Variants in CRYL1 observed in about 807,000 individuals in gnomAD.
The protein encoded by CRYL1 is crystallin lambda 1.
A neutral mutation model predicts 36.6 loss-of-function variants in CRYL1; 29 were observed. The observed-to-expected ratio is 0.79, with a 90% CI of 0.59 to 1.08. The LOEUF (loss-of-function observed/expected upper bound fraction) is 1.08. Ranked by LOEUF, CRYL1 falls within the 50% of genes least tolerant of loss-of-function variation. The pLI, the probability that CRYL1 is intolerant of heterozygous loss-of-function variation, is 0.00. For synonymous variants in CRYL1, 152 were observed against 151.5 expected (o/e 1.00, Z -0.02); for missense variants, 411 against 407.9 (o/e 1.01, Z -0.06).
chr13:20,507,421 T>G (rs750897186), intron 2 of CRYL1, among the ~76,000 whole-genome samples: 9 of 152,172 alleles, frequency 5.9e-5, no homozygotes, highest in Non-Finnish European at 1.3e-4. Context: ...ATATTTACTA[T>G]CTGGTCTTTA....
chr13:20,420,701 T>TTTTGTGTG lies in CRYL1; in HGVS notation c.634-7315_634-7314insCACACAAA. Among the ~76,000 whole-genome samples the TTTTGTGTG allele has an allele frequency of 4.6e-3, 100 of 21,874 alleles. 17 individuals carry two copies. The highest frequency in any genetic ancestry group is 0.031 in the East Asian group (15 of 484). The allele number at this position is 21,874 out of a possible 152,430, so 14.4% of individuals were successfully genotyped here. A position where few individuals can be genotyped will look rare whatever the true frequency, so the allele number is the denominator to read the frequency against. ...CTTTGACTTTTCTTTAAAATAGAGG[T>TTTTGTGTG]TGTGTGTGTGTGTGTGTGTGTGTGT... On this transcript the variant is annotated intron_variant, in intron 5 of 7. Transcript: ENST00000298248.
intron 6 of CRYL1, among the ~76,000 whole-genome samples, chr13:20,411,950 T>C (rs2031534021): frequency 6.6e-6 from 1 of 152,234 alleles, no homozygotes; most frequent in Admixed American, 6.5e-5. Flanking sequence ...TTGGACAGCA[T>C]ATTTCATTAA....
intron 3 of CRYL1, among the ~76,000 whole-genome samples, chr13:20,479,048 CT>C (rs1425207012): frequency 2.0e-5 from 3 of 152,070 alleles, no homozygotes; most frequent in African/African-American, 4.8e-5. Context: ...CCCTTTACAC[CT>C]GTAAAGGATT....
intron 2 of CRYL1, among the ~76,000 whole-genome samples, chr13:20,511,779 T>G (rs1282572216): frequency 6.6e-6 from 1 of 152,222 alleles, no homozygotes; most frequent in Non-Finnish European, 1.5e-5. Context: ...CACGCTGCAA[T>G]GGCTTCTTTC....
At chr13:20,478,004 T>C (rs1454439158) in intron 3 of CRYL1, among the ~76,000 whole-genome samples, 3 of 147,042 alleles carry the variant, frequency 2.0e-5, no homozygotes, top group Non-Finnish European at 3.0e-5. Flanking sequence ...AAAATATATA[T>C]GGGCAGGCTC....
chr13:20,439,512 C>G (rs1197245438), intron 4 of CRYL1, 81 bp downstream of exon 4: 2 of 1,025,508 alleles, frequency 2.0e-6, no homozygotes, highest in African/African-American at 4.3e-5. Context: ...CCCCCTCCCC[C>G]GCAAAAAAAA....
At chr13:20,449,496 A>C (rs1325986300) in intron 3 of CRYL1, among the ~76,000 whole-genome samples, 2 of 152,244 alleles carry the variant, frequency 1.3e-5, no homozygotes, top group African/African-American at 4.8e-5. Flanking sequence ...CAGATGGAAC[A>C]AATAGAAAAC....
intron 3 of CRYL1, among the ~76,000 whole-genome samples, chr13:20,484,221 G>A (rs962769018): frequency 2.0e-5 from 3 of 152,164 alleles, no homozygotes; most frequent in Non-Finnish European, 4.4e-5. Context: ...AGAAAAAGGA[G>A]CTGTGAGAGC....
At chr13:20,431,750 T>C in intron 5 of CRYL1, 1 of 1,194,438 alleles carries the variant, frequency 8.4e-7, no homozygotes, top group Non-Finnish European at 1.1e-6. Flanking sequence ...TTTTGAAAAA[T>C]TATAACACTG....
intron 1 of CRYL1, among the ~76,000 whole-genome samples, chr13:20,513,874 C>T (rs576147787): frequency 2.0e-5 from 3 of 148,804 alleles, no homozygotes; most frequent in South Asian, 2.1e-4. Flanking sequence ...AAGATGAGCC[C>T]GGAGCAGTTT....
chr13:20,482,281 T>C (rs544428716), intron 3 of CRYL1, among the ~76,000 whole-genome samples: 2 of 152,344 alleles, frequency 1.3e-5, no homozygotes, highest in African/African-American at 2.4e-5. Flanking sequence ...CTATTGCAGA[T>C]TGTTCTGACT....
At chr13:20,405,319 T>C (rs1466850860) in intron 6 of CRYL1, among the ~76,000 whole-genome samples, 1 of 151,816 alleles carries the variant, frequency 6.6e-6, no homozygotes, top group Non-Finnish European at 1.5e-5. Context: ...ATGCCACCTC[T>C]GCTGGTGCAT....
chr13:20,504,036 G>A (rs1048482089), intron 2 of CRYL1, among the ~76,000 whole-genome samples: 1 of 152,134 alleles, frequency 6.6e-6, no homozygotes, highest in Non-Finnish European at 1.5e-5. Flanking sequence ...AGATCGAAGC[G>A]TACAGGCCCC....
intron 2 of CRYL1, among the ~76,000 whole-genome samples, chr13:20,509,195 C>CA (rs1221695401): frequency 3.8e-3 from 395 of 103,218 alleles, no homozygotes; most frequent in South Asian, 4.6e-3. Context: ...ACTCAATCCC[C>CA]AAAAAAAAAA....
chr13:20,454,930 A>G (rs2032649487), intron 3 of CRYL1, among the ~76,000 whole-genome samples: 2 of 152,172 alleles, frequency 1.3e-5, no homozygotes, highest in Admixed American at 6.5e-5. Flanking sequence ...TTTATTCCAC[A>G]TCATATTGAT....
chr13:20,432,171 C>A lies in CRYL1; in HGVS notation c.564G>T (p.Lys188Asn). 2 of 1,614,144 alleles carry A rather than the reference C, an allele frequency of 1.2e-6. No individual in the cohort carries two copies. The highest frequency in any genetic ancestry group is 1.1e-5 in the South Asian group (1 of 91,080). ...KIGQCPMRVQ[K>N]EVAGFVLNRL... ...GGTTCAGAACGAAGCCGGCCACCTC[C>A]TTCTGGACTCGCATGGGGCACTGTC... is the stretch of plus-strand genomic sequence containing the variant. Residue 188 changes from lysine to asparagine, a missense_variant, in exon 5 of 8, where the codon AAG becomes AAT. By Grantham distance (94) the Lys-to-Asn change is moderately conservative. Transcript: ENST00000298248.
At chr13:20,472,050 C>T (rs943471718) in intron 3 of CRYL1, among the ~76,000 whole-genome samples, 6 of 151,840 alleles carry the variant, frequency 4.0e-5, no homozygotes, top group African/African-American at 1.5e-4. Flanking sequence ...TAGTAGAGAC[C>T]GGGTTTCGCC....
intron 3 of CRYL1, among the ~76,000 whole-genome samples, chr13:20,475,157 G>T (rs1470559372): frequency 6.6e-6 from 1 of 152,130 alleles, no homozygotes; most frequent in Non-Finnish European, 1.5e-5. Context: ...CAGACAACTG[G>T]ACAGGGAGGA....
At chr13:20,502,221 T>A (rs1033743218) in intron 2 of CRYL1, among the ~76,000 whole-genome samples, 6 of 152,172 alleles carry the variant, frequency 3.9e-5, no homozygotes, top group Non-Finnish European at 8.8e-5. Context: ...TAGTGAGGCA[T>A]GTGAACTTAA....
Sources: gnomAD v4.1 joint callset for allele counts (sites outside exome capture counted in the v4.1 genomes callset) on GRCh38, gnomAD v4.1.1 for gene constraint, MANE v1.5 for transcripts, NCBI Gene and HGNC (gene_info 2026-07-23, HGNC 2026-07-21) for gene names.